The following TASP1 variants were observed in gnomAD, a reference collection of about 807,000 sequenced individuals.
TASP1 encodes taspase 1, also known as threonine aspartase 1.
TASP1 carries 16 observed loss-of-function variants against 56.6 expected under a neutral mutation model. That is an observed-to-expected ratio of 0.28 (90% CI 0.19 to 0.43). The LOEUF (loss-of-function observed/expected upper bound fraction) is 0.43. Ranked by LOEUF, TASP1 falls within the 20% of genes least tolerant of loss-of-function variation. The pLI is 1.00. For synonymous variants in TASP1, 179 were observed against 184.2 expected (o/e 0.97, Z 0.23); for missense variants, 393 against 511.6 (o/e 0.77, Z 2.24).
At chr20:13,372,961 A>G in the TASP1 span, among the ~76,000 whole-genome samples, 1 of 152,070 alleles carries the variant, frequency 6.6e-6, no homozygotes, top group Non-Finnish European at 1.5e-5. Flanking sequence ...CACATATTAC[A>G]TCTATAGATG....
intron 13 of TASP1, among the ~76,000 whole-genome samples, chr20:13,402,283 G>A (rs995162229): frequency 6.6e-6 from 1 of 152,160 alleles, no homozygotes. Context: ...AATTACCAAC[G>A]ACTGTTAGAA....
At chr20:13,623,378 T>C (rs2048784648) in intron 4 of TASP1, 68 bp downstream of exon 4, 1 of 1,366,070 alleles carries the variant, frequency 7.3e-7, no homozygotes. Context: ...ACTCAACAAT[T>C]TCATGTCATT....
chr20:13,477,398 A>C (rs750404521), intron 11 of TASP1, among the ~76,000 whole-genome samples: 6 of 152,060 alleles, frequency 3.9e-5, no homozygotes, highest in Non-Finnish European at 7.4e-5. Context: ...AAATTCAAAG[A>C]AAAAAAAGAA....
chr20:13,615,220 T>C (rs1219627894), intron 4 of TASP1, among the ~76,000 whole-genome samples: 2 of 152,172 alleles, frequency 1.3e-5, no homozygotes, highest in South Asian at 2.1e-4. Context: ...CCACTCTGAA[T>C]GTGTTATAGT....
chr20:13,177,178 T>C, the TASP1 span, among the ~76,000 whole-genome samples: 1 of 151,796 alleles, frequency 6.6e-6, no homozygotes. Context: ...GAGGCAGAGA[T>C]TGAAGTGAGC....
the TASP1 span, among the ~76,000 whole-genome samples, chr20:13,189,872 T>A: frequency 4.6e-5 from 7 of 152,182 alleles, no homozygotes; most frequent in Non-Finnish European, 1.0e-4. Context: ...ACAGCACTAT[T>A]CATAATAGCA....
At chr20:13,376,674 G>A in the TASP1 span, among the ~76,000 whole-genome samples, 1 of 152,164 alleles carries the variant, frequency 6.6e-6, no homozygotes, top group African/African-American at 2.4e-5. Flanking sequence ...TGGGCAGTAT[G>A]ACCATTTTCA....
chr20:13,327,147 C>T, the TASP1 span, among the ~76,000 whole-genome samples: 6 of 152,246 alleles, frequency 3.9e-5, no homozygotes, highest in East Asian at 1.2e-3. Context: ...CAAAAATCAC[C>T]AGCATTCCTA....
the TASP1 span, among the ~76,000 whole-genome samples, chr20:13,236,107 T>A: frequency 6.6e-6 from 1 of 152,144 alleles, no homozygotes; most frequent in East Asian, 1.9e-4. Context: ...ATATTTTTAG[T>A]AGAGACGGGG....
chr20:13,279,840 G>A, the TASP1 span: 3 of 1,613,964 alleles, frequency 1.9e-6, no homozygotes, highest in East Asian at 2.2e-5. Flanking sequence ...CCCCCAGGGG[G>A]TGGGACCATA....
chr20:13,298,405 C>T, the TASP1 span, among the ~76,000 whole-genome samples: 27 of 152,292 alleles, frequency 1.8e-4, no homozygotes, highest in African/African-American at 5.5e-4. Flanking sequence ...CATATGCCAC[C>T]GTGCCTGGCC....
chr20:13,279,912 C>G, the TASP1 span: 23 of 1,608,428 alleles, frequency 1.4e-5, no homozygotes, highest in Non-Finnish European at 1.9e-5. Flanking sequence ...AGTTTACCAC[C>G]TAGTAATATA....
chr20:13,631,966 T>G (rs2049102124), intron 1 of TASP1, among the ~76,000 whole-genome samples: 1 of 151,706 alleles, frequency 6.6e-6, no homozygotes, highest in Admixed American at 6.6e-5. Flanking sequence ...GGCAGAGAAT[T>G]CCTTGAACCC....
chr20:13,508,154 T>G (rs554794033), intron 10 of TASP1, among the ~76,000 whole-genome samples: 1 of 150,352 alleles, frequency 6.7e-6, no homozygotes, highest in Non-Finnish European at 1.5e-5. Flanking sequence ...GAAGAAAACA[T>G]AGGGAAGAAG....
At chr20:13,290,505 C>T in the TASP1 span, among the ~76,000 whole-genome samples, 2 of 151,868 alleles carry the variant, frequency 1.3e-5, no homozygotes, top group Non-Finnish European at 2.9e-5. Flanking sequence ...AAATATTAGT[C>T]GGGCATGGTG....
At chr20:13,143,774 G>A in the TASP1 span, among the ~76,000 whole-genome samples, 4 of 152,204 alleles carry the variant, frequency 2.6e-5, no homozygotes, top group African/African-American at 9.7e-5. Flanking sequence ...GTTTCTCAGA[G>A]CCCTTTCAAG....
the TASP1 span, chr20:13,298,892 G>A: frequency 6.3e-7 from 1 of 1,584,274 alleles, no homozygotes; most frequent in African/African-American, 1.3e-5. Context: ...AGCACCTCCT[G>A]TGGGCCGGTT....
intron 10 of TASP1, among the ~76,000 whole-genome samples, chr20:13,483,575 T>C (rs1217040511): frequency 6.6e-6 from 1 of 152,176 alleles, no homozygotes; most frequent in East Asian, 1.9e-4. Context: ...ATATGATACG[T>C]AGTTCTCTGT....
intron 11 of TASP1, among the ~76,000 whole-genome samples, chr20:13,479,874 T>C (rs923050844): frequency 6.6e-6 from 1 of 152,180 alleles, no homozygotes; most frequent in Admixed American, 6.5e-5. Context: ...GGAAGGAATT[T>C]TAGAAACCAT....
Sources: gnomAD v4.1 joint callset for allele counts (sites outside exome capture counted in the v4.1 genomes callset) on GRCh38, gnomAD v4.1.1 for gene constraint, MANE v1.5 for transcripts, NCBI Gene and HGNC (gene_info 2026-07-23, HGNC 2026-07-21) for gene names.